PTGIR: variants seen among roughly 807,000 people sequenced by gnomAD.
The protein encoded by PTGIR is prostaglandin I2 receptor.
PTGIR carries 16 observed loss-of-function variants against 17.6 expected under a neutral mutation model. The ratio of observed to expected loss-of-function variants is 0.91; its 90% confidence interval spans 0.61 to 1.38. The LOEUF (loss-of-function observed/expected upper bound fraction) is 1.38. Among genes scored for constraint, PTGIR ranks in the 40% most tolerant of loss-of-function variants. PTGIR has a pLI of 0.00. For synonymous variants in PTGIR, 274 were observed against 255.4 expected, an observed-to-expected ratio of 1.07 and a Z score of -0.69; for missense variants, 532 against 548.6, an observed-to-expected ratio of 0.97 and a Z score of 0.30.
Position 46,623,794 on chromosome 19 carries a change from G to A in PTGIR, c.432C>T (p.Tyr144=), listed in dbSNP as rs1335279675. ...RCARLALPAI[Y]AFCVLFCALP... The stretch of plus-strand genomic sequence containing the variant: ...GCGCGCAGAAGAGGACGCAGAAGGC[G>A]TAGATGGCTGGCAGCGCCAGGCGGG... The change falls in exon 2 of 3, where the codon TAC becomes TAT. Residue 144 remains tyrosine (Y), a synonymous_variant. Coordinates refer to ENST00000291294, the MANE Select transcript of PTGIR (RefSeq NM_000960.4). 3 of 1,608,400 alleles carry A rather than the reference G, an allele frequency of 1.9e-6. No homozygotes were observed. The highest frequency in any genetic ancestry group is 2.2e-5 in the East Asian group (1 of 44,834).
In PTGIR at chr19:46,623,954, A is replaced by G. The variant is rs1211505027; in HGVS notation, c.272T>C (p.Leu91Pro). The G allele has an allele frequency of 6.3e-7, 1 of 1,588,664 alleles. No homozygotes were observed. The highest frequency in any genetic ancestry group is 8.6e-7 in the Non-Finnish European group (1 of 1,166,840). Residue 91 changes from leucine to proline, a missense_variant, in exon 2 of 3, where the codon CTG (leucine) becomes CCG (proline). Coordinates refer to ENST00000291294, the MANE Select transcript of PTGIR (RefSeq NM_000960.4). ...CATGGCGAAGGCGAAGGCATCGCAC[A>G]GGGCGGGGCCGCCTCGGGCCAGGCC... is the stretch of plus-strand genomic sequence containing the variant. ...LLGLARGGPA[L>P]CDAFAFAMTF...
the PTGIR span, among the ~76,000 whole-genome samples, chr19:46,612,046 G>A: frequency 3.7e-4 from 56 of 152,374 alleles, no homozygotes; most frequent in Non-Finnish European, 6.3e-4. Context: ...AGCCAGCGGC[G>A]AGGGTGGAGA....
At position 46,624,323 on chromosome 19, in the gene PTGIR, C is replaced by T. The variant is rs1023762186; in HGVS notation, c.-12-86G>A. On this transcript the variant is annotated intron_variant, in intron 1 of 2. Transcript: ENST00000291294. ...ACTCAGATGTCCCTGCTGGCCAGTCCTTTTGGCAGCTGGGGCCTCCCAGCC... is the reference window on the plus strand; with the variant it reads ...ACTCAGATGTCCCTGCTGGCCAGTCTTTTTGGCAGCTGGGGCCTCCCAGCC... 1.8e-5 allele frequency: 23 copies of T among 1,305,288 alleles called. No homozygotes were observed. In the South Asian group the frequency reaches 3.0e-4, roughly 17 times the overall value. The allele number at this position is 1,305,288 out of a possible 1,614,324, so 80.9% of individuals were successfully genotyped here.
In PTGIR at chr19:46,621,776, T is replaced by A; in HGVS notation, c.769-104A>T. 6.8e-7 allele frequency: 1 copy of A among 1,473,524 alleles called. No individual in the cohort carries two copies. The highest frequency in any genetic ancestry group is 9.0e-7 in the Non-Finnish European group (1 of 1,112,410). 91.3% of individuals were successfully genotyped at this position (1,473,524 alleles called of 1,614,324 possible). Reference sequence around the variant, plus strand: ...TACCAGGGATGAGGTAGGGGTGACATGTCAGAGGGGAAGGAGATAAGATAA... The same window carrying A: ...TACCAGGGATGAGGTAGGGGTGACAAGTCAGAGGGGAAGGAGATAAGATAA... On this transcript the variant is annotated intron_variant, in intron 2 of 2. Coordinates refer to ENST00000291294, the MANE Select transcript of PTGIR (RefSeq NM_000960.4). This position sits in a 1 kb window ranked among gnomAD's most constrained non-coding sequence, Gnocchi z 4.8.
Position 46,621,891 on chromosome 19 carries a change from A to G in PTGIR, c.769-219T>C. On this transcript the variant is annotated intron_variant, in intron 2 of 2. Transcript: ENST00000291294. This position sits in a 1 kb window ranked among gnomAD's most constrained non-coding sequence, Gnocchi z 4.8. ...GCCTAAGGGGAGAGGGATGGGGGCC[A>G]GGTATGTGGGTCCCCCCACCCTTGG... The G allele has an allele frequency of 7.5e-7, 1 of 1,336,144 alleles. No individual in the cohort carries two copies. Among genetic ancestry groups the G allele is most frequent in the Non-Finnish European group, 9.6e-7 (1 of 1,046,346 alleles). The allele number at this position is 1,336,144 out of a possible 1,614,324, so 82.8% of individuals were successfully genotyped here.
At chr19:46,624,482 TCTCA>T (rs1403953279) in intron 1 of PTGIR, 3 of 403,498 alleles carry the variant, frequency 7.4e-6, no homozygotes, top group Non-Finnish European at 1.3e-5. Flanking sequence ...TGAGACAGAG[TCTCA>T]CTCTGTTGTC....
At chr19:46,616,326 C>CTTTTTTTTTTTTTTTTTTTTTTT (rs1021116711), downstream of PTGIR, among the ~76,000 whole-genome samples, 2 of 66,546 alleles carry the variant, frequency 3.0e-5, no homozygotes, top group African/African-American at 1.5e-4. Context: ...GACAGAAATG[C>CTTTTTTTTTTTTTTTTTTTTTTT]TTTTTTTTTT....
Position 46,621,604 on chromosome 19 carries a change from G to T in PTGIR, c.837C>A (p.Arg279=). The change falls in exon 3 of 3, where the codon CGC becomes CGA. Residue 279 remains arginine, a synonymous_variant. Coordinates refer to ENST00000291294, the MANE Select transcript of PTGIR (RefSeq NM_000960.4). The surrounding 1 kb of genome is among the most constrained non-coding windows in gnomAD (Gnocchi z 4.8). ...CCAGGATGGGGTTGAAGGCGTAGAA[G>T]CGGAAGGCAAGGAGGTCCCCCATCT... ...SSEMGDLLAF[R]FYAFNPILDP... The T allele has an allele frequency of 2.5e-6, 4 of 1,613,694 alleles. No individual in the cohort carries two copies. The highest frequency in any genetic ancestry group is 3.4e-6 in the Non-Finnish European group (4 of 1,180,034).
At chr19:46,616,479 G>A (rs1187963744), downstream of PTGIR, among the ~76,000 whole-genome samples, 1 of 151,432 alleles carries the variant, frequency 6.6e-6, no homozygotes, top group East Asian at 1.9e-4. Flanking sequence ...GAATGCAGGT[G>A]CCCGCCACCA....
Position 46,620,939 on chromosome 19 carries a change from C to G in PTGIR, c.*341G>C, listed in dbSNP as rs578102191. The G allele has an allele frequency of 6.9e-6, 7 of 1,019,252 alleles. No homozygotes were observed. The highest frequency in any genetic ancestry group is 8.2e-6 in the Non-Finnish European group (7 of 852,662). The allele number at this position is 1,019,252 out of a possible 1,614,324, so 63.1% of individuals were successfully genotyped here. On this transcript the variant is annotated 3_prime_UTR_variant, in exon 3 of 3. Transcript: ENST00000291294. The stretch of plus-strand genomic sequence containing the variant: ...CGCAGATTGGAGCCAGCACCCAGAC[C>G]AGAGCAGACCTGACTGTACAGAAGC...
downstream of PTGIR, among the ~76,000 whole-genome samples, chr19:46,617,392 T>C (rs534345908): frequency 1.3e-5 from 2 of 151,710 alleles, no homozygotes; most frequent in Non-Finnish European, 2.9e-5. Flanking sequence ...TCTGAAAACC[T>C]CTGGCCTGTT....
At chr19:46,615,858 G>A (rs1055886125), downstream of PTGIR, among the ~76,000 whole-genome samples, 1 of 151,702 alleles carries the variant, frequency 6.6e-6, no homozygotes, top group Non-Finnish European at 1.5e-5. Context: ...CTGGAGTGCA[G>A]TGGTGTGATC....
At chr19:46,614,450 C>G in the PTGIR span, 7 of 985,118 alleles carry the variant, frequency 7.1e-6, no homozygotes, top group Non-Finnish European at 8.4e-6. Context: ...AGAAAGAAAT[C>G]GTAAAATGAA....
chr19:46,623,674 G>C lies in PTGIR; in HGVS notation c.552C>G (p.Phe184Leu), dbSNP rs956799423. ...CCACCAGGCCGGCGTAGGCCAGCGA[G>C]AAGGCGGCGCCGCCCGGCTGGGCCC... ...MRWAQPGGAA[F>L]SLAYAGLVAL... Residue 184 changes from phenylalanine (F) to leucine (L), a missense_variant, in exon 2 of 3, where the codon TTC becomes TTG. Coordinates refer to ENST00000291294, the MANE Select transcript of PTGIR (RefSeq NM_000960.4). 1.3e-6 allele frequency: 2 copies of C among 1,550,466 alleles called. No individual in the cohort carries two copies. The highest frequency in any genetic ancestry group is 1.4e-5 in the African/African-American group (1 of 73,566).
rs201475182 is a variant in PTGIR, at chr19:46,621,606, G to C, written c.835C>G (p.Arg279Gly). ...AGGATGGGGTTGAAGGCGTAGAAGC[G>C]GAAGGCAAGGAGGTCCCCCATCTCA... ...SSEMGDLLAFRFYAFNPILDP... is the reference protein window; with the variant it reads ...SSEMGDLLAFGFYAFNPILDP... The change falls in exon 3 of 3, where the codon CGC (arginine) becomes GGC (glycine). Residue 279 changes from arginine (R) to glycine (G), a missense_variant. Coordinates refer to ENST00000291294, the MANE Select transcript of PTGIR (RefSeq NM_000960.4). The surrounding 1 kb of genome is among the most constrained non-coding windows in gnomAD (Gnocchi z 4.8). 1 of 1,613,504 alleles carries C rather than the reference G, an allele frequency of 6.2e-7. No individual in the cohort carries two copies. Among genetic ancestry groups the C allele is most frequent in the Non-Finnish European group, 8.5e-7 (1 of 1,180,040 alleles).
downstream of PTGIR, among the ~76,000 whole-genome samples, chr19:46,619,612 A>G (rs144839873): frequency 7.6e-5 from 7 of 91,732 alleles, no homozygotes; most frequent in African/African-American, 2.5e-4. Flanking sequence ...AAGGAAAGAA[A>G]GAAAGAAAGA....
downstream of PTGIR, among the ~76,000 whole-genome samples, chr19:46,618,567 G>A (rs1455079028): frequency 6.6e-6 from 1 of 152,188 alleles, no homozygotes; most frequent in East Asian, 1.9e-4. Flanking sequence ...CCAAAATGCA[G>A]GGATTACAGA....
In PTGIR at chr19:46,621,931, C is replaced by T. The variant is rs2122332581; in HGVS notation, c.769-259G>A. The T allele has an allele frequency of 3.1e-6, 4 of 1,278,774 alleles. No individual in the cohort carries two copies. The highest frequency in any genetic ancestry group is 4.0e-6 in the Non-Finnish European group (4 of 1,012,640). The allele number at this position is 1,278,774 out of a possible 1,614,324, so 79.2% of individuals were successfully genotyped here. On this transcript the variant is annotated intron_variant, in intron 2 of 2. Coordinates refer to ENST00000291294, the MANE Select transcript of PTGIR (RefSeq NM_000960.4). The surrounding 1 kb of genome is among the most constrained non-coding windows in gnomAD (Gnocchi z 4.8). ...CCCACCCTTGGAAGCTGGGAGGACCCTCGGGCTCCACAGATTTTTGAGTAT... is the reference window on the plus strand; with the variant it reads ...CCCACCCTTGGAAGCTGGGAGGACCTTCGGGCTCCACAGATTTTTGAGTAT...
At chr19:46,615,037 A>C in the PTGIR span, among the ~76,000 whole-genome samples, 1 of 151,862 alleles carries the variant, frequency 6.6e-6, no homozygotes, top group Non-Finnish European at 1.5e-5. Context: ...CCCCCAAAAA[A>C]AATTAGCCAG....
Sources: gnomAD v4.1 joint callset for allele counts (sites outside exome capture counted in the v4.1 genomes callset) on GRCh38, gnomAD v4.1.1 for gene constraint, Gnocchi (gnomAD v3.1) non-coding constraint, MANE v1.5 for transcripts, NCBI Gene and HGNC (gene_info 2026-07-23, HGNC 2026-07-21) for gene names.